The following RAB10 variants were observed in gnomAD, a reference collection of about 807,000 sequenced individuals.
RAB10 encodes RAB10, member RAS oncogene family, also known as ras-related protein Rab-10.
In RAB10, 5 loss-of-function variants were observed where a neutral mutation model predicts 25.7. The ratio of observed to expected loss-of-function variants is 0.19; its 90% CI spans 0.10 to 0.41. The LOEUF (loss-of-function observed/expected upper bound fraction) is 0.41, where lower values mean the gene tolerates loss of function less well. Among genes scored for constraint, RAB10 ranks in the 10% least tolerant of loss-of-function variants. The pLI is 1.00. For missense variants in RAB10, 103 were observed against 245.8 expected (o/e 0.42, Z 3.89); for synonymous variants, 89 against 86.4 (o/e 1.03, Z -0.16).
chr2:26,098,672 C>T lies in RAB10; in HGVS notation c.138C>T (p.Phe46=), dbSNP rs1172249762. ...TTFISTIGID[F]KIKTVELQGK... is the part of the protein sequence containing the mutation. ...TTTTCTGCATTGTAGGAATAGACTT[C>T]AAGATCAAAACAGTTGAATTACAAG... Residue 46 remains phenylalanine, a synonymous_variant, in exon 2 of 6, where the codon TTC becomes TTT. Transcript: ENST00000264710. 5 of 1,590,424 alleles carry T rather than the reference C, an allele frequency of 3.1e-6. No homozygotes were observed.
intron 1 of RAB10, among the ~76,000 whole-genome samples, chr2:26,037,917 G>A (rs1284747532): frequency 6.6e-6 from 1 of 151,542 alleles, no homozygotes; most frequent in Admixed American, 6.6e-5. Flanking sequence ...ACGGAGTTTC[G>A]TTCTTTTTGC....
Position 26,134,972 on chromosome 2 carries a change from A to G in RAB10, c.554A>G (p.Asp185Gly). 6.2e-7 allele frequency: 1 copy of G among 1,613,936 alleles called. No individual in the cohort carries two copies. The highest frequency in any genetic ancestry group is 8.5e-7 in the Non-Finnish European group (1 of 1,179,880). The change falls in exon 6 of 6, where the codon GAT becomes GGT. Residue 185 changes from aspartate (D) to glycine (G), a missense_variant. Physicochemically the swap from Asp to Gly is moderately conservative, Grantham distance 94. This residue lies in a region of RAB10 where 24 missense variants were observed against 28.0 expected (regional missense o/e 0.86). Transcript: ENST00000264710. ...AAAGAGCCCAACAGTGAAAATGTAG[A>G]TATCAGCAGTGGAGGAGGCGTGACA... ...PVKEPNSENV[D>G]ISSGGGVTGW... is the part of the protein sequence containing the mutation.
At chr2:26,061,006 A>G (rs1229042295) in intron 1 of RAB10, among the ~76,000 whole-genome samples, 1 of 150,834 alleles carries the variant, frequency 6.6e-6, no homozygotes, top group Non-Finnish European at 1.5e-5. Flanking sequence ...GTTTCTTTAT[A>G]TAAAATAACT....
intron 1 of RAB10, among the ~76,000 whole-genome samples, chr2:26,097,673 T>C (rs1667252736): frequency 6.6e-6 from 1 of 152,248 alleles, no homozygotes; most frequent in South Asian, 2.1e-4. Flanking sequence ...GTATGTATTC[T>C]GTTGCTGTTA....
In RAB10 at chr2:26,097,394, C is replaced by G. The variant is rs538268278; in HGVS notation, c.128-1268C>G. Among the ~76,000 whole-genome samples the G allele has an allele frequency of 8.5e-5, 13 of 152,270 alleles. No homozygotes were observed. In the East Asian group the frequency reaches 2.5e-3, roughly 30 times the overall value. ...GTTCAAGTGATTCTTCTGCGTCAGC[C>G]TCCCAAGTAGCTGGGATTGCAAGCA... On this transcript the variant is annotated intron_variant, in intron 1 of 5. Coordinates refer to ENST00000264710, the MANE Select transcript of RAB10 (RefSeq NM_016131.5).
At chr2:26,124,760 T>G (rs1184025717) in intron 3 of RAB10, among the ~76,000 whole-genome samples, 1 of 152,162 alleles carries the variant, frequency 6.6e-6, no homozygotes, top group East Asian at 1.9e-4. Context: ...AACAATGATT[T>G]CTGTCTCCCC....
At chr2:26,036,339 G>C (rs1192326336) in intron 1 of RAB10, among the ~76,000 whole-genome samples, 1 of 152,162 alleles carries the variant, frequency 6.6e-6, no homozygotes, top group Non-Finnish European at 1.5e-5. Flanking sequence ...TGAGGAGTTT[G>C]AGTAGGCTTA....
intron 3 of RAB10, among the ~76,000 whole-genome samples, chr2:26,122,187 A>G (rs1275906852): frequency 6.6e-6 from 1 of 152,242 alleles, no homozygotes; most frequent in Admixed American, 6.5e-5. Context: ...TTAATCCAGC[A>G]TAAGGACCAT....
intron 1 of RAB10, among the ~76,000 whole-genome samples, chr2:26,056,695 A>T (rs1009661515): frequency 4.6e-5 from 7 of 152,156 alleles, no homozygotes; most frequent in Admixed American, 3.9e-4. Context: ...TGGTGTGATC[A>T]TAACTCACTG....
At chr2:26,080,119 G>A (rs1281145623) in intron 1 of RAB10, among the ~76,000 whole-genome samples, 2 of 152,206 alleles carry the variant, frequency 1.3e-5, no homozygotes, top group Non-Finnish European at 2.9e-5. Flanking sequence ...GTACACAGGA[G>A]CTGGCTTGAA....
chr2:26,108,188 T>C (rs1667503884), intron 2 of RAB10, among the ~76,000 whole-genome samples: 1 of 152,206 alleles, frequency 6.6e-6, no homozygotes, highest in Admixed American at 6.5e-5. Context: ...TATGTCCACA[T>C]AGAAACCTGT....
At chr2:26,051,588 A>G (rs532752567) in intron 1 of RAB10, among the ~76,000 whole-genome samples, 1 of 151,578 alleles carries the variant, frequency 6.6e-6, no homozygotes, top group South Asian at 2.1e-4. Context: ...CGTTTCCACT[A>G]AAAATACAAA....
At chr2:26,110,523 T>G (rs1416369124) in intron 3 of RAB10, among the ~76,000 whole-genome samples, 1 of 152,106 alleles carries the variant, frequency 6.6e-6, no homozygotes, top group Non-Finnish European at 1.5e-5. Context: ...GAAATGAATT[T>G]TTTCTTAATA....
At chr2:26,081,593 A>G (rs760272836) in intron 1 of RAB10, among the ~76,000 whole-genome samples, 9 of 152,172 alleles carry the variant, frequency 5.9e-5, no homozygotes, top group Non-Finnish European at 1.0e-4. Flanking sequence ...AGTTTAGTTA[A>G]TTGCACCAAT....
At chr2:26,120,493 A>C (rs1278881855) in intron 3 of RAB10, among the ~76,000 whole-genome samples, 4 of 152,160 alleles carry the variant, frequency 2.6e-5, no homozygotes, top group African/African-American at 9.7e-5. Flanking sequence ...ATTGCTGCTT[A>C]TTACTGGATA....
At chr2:26,051,361 C>T (rs1361932665) in intron 1 of RAB10, among the ~76,000 whole-genome samples, 23 of 744 alleles carry the variant, frequency 0.031, no homozygotes, top group Non-Finnish European at 0.09. Context: ...TCCCTTTTTG[C>T]CCCCCCCCCC....
chr2:26,114,796 C>T (rs902665791), intron 3 of RAB10, among the ~76,000 whole-genome samples: 4 of 150,272 alleles, frequency 2.7e-5, no homozygotes, highest in Admixed American at 6.6e-5. Flanking sequence ...TTCCAGCTAT[C>T]TGGGAGGCTG....
chr2:26,053,311 C>G (rs766552253), intron 1 of RAB10, among the ~76,000 whole-genome samples: 3 of 152,124 alleles, frequency 2.0e-5, no homozygotes, highest in African/African-American at 4.8e-5. Flanking sequence ...GTAGTTCCAC[C>G]ACTATCCAGA....
At chr2:26,033,805 G>GC (rs1342711622), upstream of RAB10, among the ~76,000 whole-genome samples, 3 of 128,872 alleles carry the variant, frequency 2.3e-5, no homozygotes, top group South Asian at 2.4e-4. Flanking sequence ...GGGGGTCGGA[G>GC]GGGGGGCGCT....
Sources: gnomAD v4.1 joint callset for allele counts (sites outside exome capture counted in the v4.1 genomes callset) on GRCh38, gnomAD v4.1.1 for gene constraint, gnomAD v4.1.1 regional missense constraint, MANE v1.5 for transcripts, NCBI Gene and HGNC (gene_info 2026-07-23, HGNC 2026-07-21) for gene names.